The following ACOT12 variants were observed in gnomAD, a reference collection of about 807,000 sequenced individuals.
ACOT12 encodes the protein acyl-CoA thioesterase 12.
ACOT12 carries 51 observed loss-of-function variants against 67.7 expected under a neutral mutation model. That is an observed-to-expected ratio of 0.75 (90% CI 0.60 to 0.95). The LOEUF (loss-of-function observed/expected upper bound fraction) is 0.95, where lower values mean the gene tolerates loss of function less well. ACOT12 is among the 40% of genes least tolerant of loss of function. The pLI is 0.00. For missense variants in ACOT12, 734 were observed against 708.1 expected (o/e 1.04, Z -0.41); for synonymous variants, 251 against 244.6 (o/e 1.03, Z -0.24).
chr5:81,351,048 C>T (rs1467137097), intron 5 of ACOT12, among the ~76,000 whole-genome samples: 1 of 152,188 alleles, frequency 6.6e-6, no homozygotes, highest in African/African-American at 2.4e-5. Flanking sequence ...ATTTTTCTGC[C>T]TGCTGAGATG....
intron 13 of ACOT12, among the ~76,000 whole-genome samples, chr5:81,331,395 A>G (rs951844187): frequency 1.4e-4 from 21 of 152,066 alleles, no homozygotes; most frequent in Admixed American, 2.0e-4. Context: ...AAATTAGCTG[A>G]CCATGGTGGC....
the ACOT12 span, among the ~76,000 whole-genome samples, chr5:81,317,468 C>T: frequency 4.1e-5 from 6 of 145,874 alleles, no homozygotes; most frequent in African/African-American, 1.3e-4. Context: ...TGCCACTGCA[C>T]ACCAGCCTGG....
At chr5:81,362,327 A>G (rs1455546620) in intron 4 of ACOT12, among the ~76,000 whole-genome samples, 3 of 151,814 alleles carry the variant, frequency 2.0e-5, no homozygotes. Context: ...CACCACGCCC[A>G]GTTAATTTTT....
intron 5 of ACOT12, among the ~76,000 whole-genome samples, chr5:81,356,564 C>A (rs1336830049): frequency 6.6e-6 from 1 of 152,098 alleles, no homozygotes; most frequent in African/African-American, 2.4e-5. Context: ...TTTTGGATGT[C>A]CACAGGCACT....
At chr5:81,312,673 C>A in the ACOT12 span, 1 of 1,581,014 alleles carries the variant, frequency 6.3e-7, no homozygotes, top group East Asian at 2.2e-5. Context: ...TAACAGCTAG[C>A]ACTATCATGA....
chr5:81,385,903 G>A (rs1255992532), intron 1 of ACOT12, 77 bp from the exon 2 acceptor site: 33 of 1,368,364 alleles, frequency 2.4e-5, no homozygotes, highest in Middle Eastern at 1.8e-4. Flanking sequence ...GGAATGAAAT[G>A]TAAGTGCATT....
At chr5:81,382,643 C>CA (rs1016327378) in intron 2 of ACOT12, among the ~76,000 whole-genome samples, 14 of 151,354 alleles carry the variant, frequency 9.2e-5, no homozygotes, top group African/African-American at 2.7e-4. Context: ...CTAAAAAATA[C>CA]AAAAAAAATT....
chr5:81,356,481 G>A (rs1387737126), intron 5 of ACOT12, among the ~76,000 whole-genome samples: 1 of 152,124 alleles, frequency 6.6e-6, no homozygotes, highest in Non-Finnish European at 1.5e-5. Flanking sequence ...GTGGGCTGCA[G>A]GTTGTCTTCA....
chr5:81,342,377 G>A (rs1211089431), intron 11 of ACOT12, among the ~76,000 whole-genome samples: 1 of 152,154 alleles, frequency 6.6e-6, no homozygotes, highest in African/African-American at 2.4e-5. Context: ...TTATGGAGAA[G>A]CATCTGTCCT....
chr5:81,347,755 G>A lies in ACOT12; in HGVS notation c.653+19C>T, dbSNP rs766543531. ...CTCACTGGTCCCAAAATCATAGGCC[G>A]AAGGTCAAAACCAAGAACCTTGCAG... On this transcript the variant is annotated intron_variant, in intron 6 of 14. Coordinates refer to ENST00000307624, the MANE Select transcript of ACOT12 (RefSeq NM_130767.3). 27 of 1,610,738 alleles carry A rather than the reference G, an allele frequency of 1.7e-5. No homozygotes were observed. The South Asian group carries it at 1.8e-4, about 11-fold the overall frequency.
At chr5:81,387,786 C>T (rs956773245) in intron 1 of ACOT12, among the ~76,000 whole-genome samples, 1 of 152,082 alleles carries the variant, frequency 6.6e-6, no homozygotes, top group Non-Finnish European at 1.5e-5. Context: ...CTCAAGTGAT[C>T]CTCCTGCCTT....
At position 81,347,790 on chromosome 5, in the gene ACOT12, C is replaced by A. The variant is rs750057283; in HGVS notation, c.637G>T (p.Ala213Ser). Residue 213 changes from alanine (A) to serine (S), a missense_variant, in exon 6 of 15, where the codon GCT becomes TCT. By Grantham distance (99) the Ala-to-Ser change is moderately conservative. Coordinates refer to ENST00000307624, the MANE Select transcript of ACOT12 (RefSeq NM_130767.3). ...ACCAAGAACCTTGCAGAAATAGTAGCCACTGTCTCCATCCACGCCATAATC... is the reference window on the plus strand; with the variant it reads ...ACCAAGAACCTTGCAGAAATAGTAGACACTGTCTCCATCCACGCCATAATC... Reference protein sequence around the residue: ...GQIMAWMETVATISASRLCWA... With the variant: ...GQIMAWMETVSTISASRLCWA... 1 of 1,613,942 alleles carries A rather than the reference C, an allele frequency of 6.2e-7. No homozygotes were observed. Among genetic ancestry groups the A allele is most frequent in the African/African-American group, 1.3e-5 (1 of 75,036 alleles).
chr5:81,324,900 G>A, the ACOT12 span, among the ~76,000 whole-genome samples: 1 of 152,172 alleles, frequency 6.6e-6, no homozygotes, highest in African/African-American at 2.4e-5. Flanking sequence ...GTATAGTTAG[G>A]TAAATAAAAT....
chr5:81,311,074 C>T, the ACOT12 span: 1 of 807,762 alleles, frequency 1.2e-6, no homozygotes, highest in African/African-American at 1.7e-5. Flanking sequence ...AATAGTGGCA[C>T]CTCCCTATGA....
At chr5:81,331,903 T>C (rs1758840771) in intron 13 of ACOT12, among the ~76,000 whole-genome samples, 1 of 152,238 alleles carries the variant, frequency 6.6e-6, no homozygotes, top group Non-Finnish European at 1.5e-5. Flanking sequence ...GGCTCTACCA[T>C]AATTTATAAG....
chr5:81,381,797 C>A (rs1269139058), intron 2 of ACOT12, among the ~76,000 whole-genome samples: 1 of 152,126 alleles, frequency 6.6e-6, no homozygotes, highest in South Asian at 2.1e-4. Context: ...AAATAAAAGT[C>A]ATTCCTACAA....
At chr5:81,363,702 T>G in intron 4 of ACOT12, 86 bp downstream of exon 4, 5 of 906,778 alleles carry the variant, frequency 5.5e-6, no homozygotes, top group Non-Finnish European at 8.0e-6. Flanking sequence ...AAAGAAGAAG[T>G]GTCATTTTTT....
At chr5:81,308,610 C>A in the ACOT12 span, 1 of 1,613,604 alleles carries the variant, frequency 6.2e-7, no homozygotes, top group African/African-American at 1.3e-5. Context: ...GATTGCCCCG[C>A]CGCCCTTGAA....
chr5:81,369,271 C>T (rs1760173943), intron 3 of ACOT12, among the ~76,000 whole-genome samples: 1 of 151,978 alleles, frequency 6.6e-6, no homozygotes, highest in Admixed American at 6.6e-5. Context: ...AGAGACTGAT[C>T]AGTAGAGTCT....
Sources: allele counts gnomAD v4.1 joint callset (sites outside exome capture counted in the v4.1 genomes callset), GRCh38; gene constraint gnomAD v4.1.1; transcripts MANE v1.5; gene names NCBI Gene and HGNC (gene_info 2026-07-23, HGNC 2026-07-21).